Variants in FRMD4A observed in about 807,000 individuals in gnomAD.
FRMD4A encodes the protein FERM domain-containing protein 4A.
A neutral mutation model predicts 129.1 loss-of-function variants in FRMD4A; 29 were observed. The ratio of observed to expected loss-of-function variants is 0.22; its 90% confidence interval spans 0.17 to 0.31. The LOEUF (loss-of-function observed/expected upper bound fraction) is 0.31, where lower values mean the gene tolerates loss of function less well. FRMD4A is among the 10% of genes least tolerant of loss of function. The pLI is 1.00. For synonymous variants in FRMD4A, 634 were observed against 571.6 expected (o/e 1.11, Z -1.56); for missense variants, 1,272 against 1,375.8 (o/e 0.92, Z 1.19).
chr10:13,900,626 G>T (rs996348921), intron 2 of FRMD4A, among the ~76,000 whole-genome samples: 1 of 152,196 alleles, frequency 6.6e-6, no homozygotes, highest in Non-Finnish European at 1.5e-5. Context: ...GCCGGGCATG[G>T]TGGCTCATGC....
At chr10:14,182,459 AGAGTTTGAGCCCAG>A (rs1841943962) in intron 2 of FRMD4A, among the ~76,000 whole-genome samples, 1 of 152,194 alleles carries the variant, frequency 6.6e-6, no homozygotes. Flanking sequence ...AGGCAGGAGG[AGAGTTTGAGCCCAG>A]GAGTTTGAGG....
intron 2 of FRMD4A, among the ~76,000 whole-genome samples, chr10:14,223,761 A>C (rs1219268145): frequency 1.7e-5 from 2 of 121,018 alleles, no homozygotes; most frequent in Non-Finnish European, 3.4e-5. Context: ...AAAAAAAAAA[A>C]AAAGAGAGAG....
chr10:13,847,727 G>A (rs561682683), intron 3 of FRMD4A, among the ~76,000 whole-genome samples: 1 of 152,308 alleles, frequency 6.6e-6, no homozygotes, highest in African/African-American at 2.4e-5. Context: ...TTTAGGAAAC[G>A]GAAGAACCAG....
chr10:13,792,409 T>C (rs969176357), intron 5 of FRMD4A, among the ~76,000 whole-genome samples: 4 of 152,006 alleles, frequency 2.6e-5, no homozygotes, highest in Admixed American at 2.6e-4. Context: ...AATGCCACAT[T>C]GGAGGAGGAT....
At chr10:13,924,662 A>G (rs2095109766) in intron 2 of FRMD4A, among the ~76,000 whole-genome samples, 1 of 152,024 alleles carries the variant, frequency 6.6e-6, no homozygotes, top group African/African-American at 2.4e-5. Flanking sequence ...CAGATTTTAT[A>G]TTTGTTCATT....
rs746723192 is a variant in FRMD4A at position 13,680,881 on chromosome 10, T to TA, written c.1118-5838dup. On this transcript the variant is annotated intron_variant, in intron 15 of 24. Transcript: ENST00000357447. ...GGCCATAGTGAGACCCCTGCTCTAC[T>TA]AAAAAAAAATTAAATGATCTAAATC... Among the ~76,000 whole-genome samples, 558 of 151,498 alleles carry TA rather than the reference T, an allele frequency of 3.7e-3. 3 individuals are homozygous for TA. Among genetic ancestry groups the TA allele is most frequent in the Non-Finnish European group, 6.3e-3 (424 of 67,778 alleles).
intron 2 of FRMD4A, among the ~76,000 whole-genome samples, chr10:14,191,335 AAC>A (rs1421023000): frequency 6.6e-6 from 1 of 152,230 alleles, no homozygotes; most frequent in Non-Finnish European, 1.5e-5. Context: ...CTCATAAAAC[AAC>A]AGTCGTTGAG....
intron 2 of FRMD4A, among the ~76,000 whole-genome samples, chr10:14,048,839 A>T (rs11258832): frequency 1.4e-3 from 38 of 26,250 alleles, no homozygotes; most frequent in Non-Finnish European, 1.3e-3. Context: ...ATAGAATAGA[A>T]TAGAATAGAA....
At chr10:13,782,149 A>T (rs1284142982) in intron 6 of FRMD4A, among the ~76,000 whole-genome samples, 18 of 60,364 alleles carry the variant, frequency 3.0e-4, no homozygotes, top group African/African-American at 8.8e-4. Context: ...AATTTTTTTT[A>T]AAAAAGAAAC....
At chr10:14,225,828 T>C (rs1476836190) in intron 2 of FRMD4A, among the ~76,000 whole-genome samples, 1 of 152,224 alleles carries the variant, frequency 6.6e-6, no homozygotes, top group Non-Finnish European at 1.5e-5. Flanking sequence ...GATACATGAA[T>C]AAACTGGCGT....
chr10:13,707,015 GA>G, intron 13 of FRMD4A, 21 bp downstream of exon 13: 5 of 1,333,830 alleles, frequency 3.7e-6, no homozygotes, highest in Non-Finnish European at 4.3e-6. Context: ...CATCCCGCAA[GA>G]AAAGGACTTT....
At chr10:13,897,867 G>A (rs2094775447) in intron 2 of FRMD4A, among the ~76,000 whole-genome samples, 1 of 150,332 alleles carries the variant, frequency 6.7e-6, no homozygotes, top group Admixed American at 6.7e-5. Flanking sequence ...GAACCTGGGA[G>A]GCGGAGGCTG....
chr10:14,184,473 CT>C (rs1441239806), intron 2 of FRMD4A, among the ~76,000 whole-genome samples: 1 of 132,930 alleles, frequency 7.5e-6, no homozygotes, highest in African/African-American at 3.2e-5. Flanking sequence ...TCTTAGCCAA[CT>C]TTCTATTCTA....
At chr10:13,775,350 G>A (rs529736088) in intron 6 of FRMD4A, among the ~76,000 whole-genome samples, 1 of 152,354 alleles carries the variant, frequency 6.6e-6, no homozygotes, top group South Asian at 2.1e-4. Flanking sequence ...TTGTTGGGGA[G>A]CCCAAGGGGG....
intron 2 of FRMD4A, among the ~76,000 whole-genome samples, chr10:14,223,836 C>A (rs1157391947): frequency 6.6e-6 from 1 of 151,674 alleles, no homozygotes; most frequent in Non-Finnish European, 1.5e-5. Flanking sequence ...ATTCTAGCAA[C>A]CCCACATCTC....
intron 2 of FRMD4A, among the ~76,000 whole-genome samples, chr10:14,046,731 T>C (rs1226687091): frequency 6.6e-6 from 1 of 152,194 alleles, no homozygotes; most frequent in Non-Finnish European, 1.5e-5. Flanking sequence ...AATGCTTTGA[T>C]GGACAGGGAT....
chr10:13,734,836 TTTTC>T (rs1280481629), intron 12 of FRMD4A, among the ~76,000 whole-genome samples: 29 of 142,412 alleles, frequency 2.0e-4, no homozygotes, highest in African/African-American at 6.7e-4. Context: ...TTCTTCTTCT[TTTTC>T]TATTTATTTA....
intron 9 of FRMD4A, 65 bp from the exon 10 acceptor site, chr10:13,740,642 G>T: frequency 1.2e-6 from 1 of 820,078 alleles, no homozygotes; most frequent in Non-Finnish European, 2.1e-6. Context: ...CTTCCTGCCA[G>T]TAAGATATTT....
chr10:13,971,122 A>G (rs1445396496), intron 2 of FRMD4A, among the ~76,000 whole-genome samples: 1 of 152,194 alleles, frequency 6.6e-6, no homozygotes, highest in Non-Finnish European at 1.5e-5. Flanking sequence ...ACACATGCAC[A>G]CACGCACGCA....
Sources: allele counts gnomAD v4.1 joint callset (sites outside exome capture counted in the v4.1 genomes callset), GRCh38; gene constraint gnomAD v4.1.1; transcripts MANE v1.5; gene names NCBI Gene and HGNC (gene_info 2026-07-23, HGNC 2026-07-21).